CGGBP1: variants seen among roughly 807,000 people sequenced by gnomAD.
CGGBP1 encodes the protein CGG triplet repeat-binding protein 1.
A neutral mutation model predicts 11.4 loss-of-function variants in CGGBP1; 4 were observed. The observed-to-expected ratio is 0.35, with a 90% CI of 0.17 to 0.80. CGGBP1 has a LOEUF of 0.80. Among genes scored for constraint, CGGBP1 ranks in the 30% least tolerant of loss-of-function variants. The pLI is 0.52. For synonymous variants in CGGBP1, 76 were observed against 74.1 expected (o/e 1.03, Z -0.13); for missense variants, 135 against 202.1 (o/e 0.67, Z 2.01).
chr3:88,079,540 G>T (rs1406589804), intron 2 of CGGBP1, among the ~76,000 whole-genome samples: 1 of 151,906 alleles, frequency 6.6e-6, no homozygotes, highest in African/African-American at 2.4e-5. Flanking sequence ...AAAGTTATCT[G>T]TAAAGTTAAG....
intron 2 of CGGBP1, among the ~76,000 whole-genome samples, chr3:88,121,051 T>G (rs557256787): frequency 2.0e-5 from 3 of 152,194 alleles, no homozygotes; most frequent in Non-Finnish European, 4.4e-5. Flanking sequence ...TGTATACCTA[T>G]GTAACAAACC....
intron 2 of CGGBP1, among the ~76,000 whole-genome samples, chr3:88,116,842 C>G (rs773212287): frequency 6.6e-6 from 1 of 152,080 alleles, no homozygotes; most frequent in Non-Finnish European, 1.5e-5. Context: ...TTCTTCTTCT[C>G]TCTTTGTTTG....
At chr3:88,102,774 C>T (rs560190963) in intron 2 of CGGBP1, among the ~76,000 whole-genome samples, 5 of 149,926 alleles carry the variant, frequency 3.3e-5, no homozygotes, top group Non-Finnish European at 5.9e-5. Flanking sequence ...AAAAGACATG[C>T]CTCTTTCTAG....
chr3:88,078,802 G>T (rs1707940946), intron 2 of CGGBP1, among the ~76,000 whole-genome samples: 1 of 152,056 alleles, frequency 6.6e-6, no homozygotes, highest in African/African-American at 2.4e-5. Context: ...ATGGGGGATG[G>T]ATTAGTATTA....
At position 88,126,062 on chromosome 3, in the gene CGGBP1, T is replaced by C. The variant is rs185157588; in HGVS notation, c.-229+14908A>G. The C allele has an allele frequency of 2.4e-5, 32 of 1,339,356 alleles. No individual in the cohort carries two copies. In the African/African-American group the frequency reaches 4.1e-4, roughly 17 times the overall value. The allele number at this position is 1,339,356 out of a possible 1,614,324, so 83.0% of individuals were successfully genotyped here. ...GCCTCACTGGCCATCAGTCATTTTA[T>C]TGACAATGATGATCAAGTTTAGTTT... On this transcript the variant is annotated intron_variant, in intron 2 of 3. Transcript: ENST00000462901.
intron 2 of CGGBP1, among the ~76,000 whole-genome samples, chr3:88,101,817 A>G (rs947128578): frequency 2.6e-5 from 4 of 152,028 alleles, no homozygotes; most frequent in Non-Finnish European, 5.9e-5. Context: ...TTACATCTTC[A>G]CTAATACTTT....
Position 88,109,142 on chromosome 3 carries a change from AGTGTGTGTGTGT to A in CGGBP1, c.-229+31816_-229+31827del, listed in dbSNP as rs35595112. On this transcript the variant is annotated intron_variant, in intron 2 of 3. Coordinates refer to the CGGBP1 transcript ENST00000462901. ...TATCCCCTGTGGATAAGTGGGCACT[AGTGTGTGTGTGT>A]GTGTGTGTGTGTGTGTGTGTGTGTG... Among the ~76,000 whole-genome samples the A allele has an allele frequency of 3.4e-3, 485 of 142,526 alleles. 2 individuals are homozygous for A. The highest frequency in any genetic ancestry group is 7.6e-3 in the Admixed American group (108 of 14,228). 93.5% of individuals were successfully genotyped at this position (142,526 alleles called of 152,430 possible).
Position 88,055,321 on chromosome 3 carries a change from G to T in CGGBP1, c.*152C>A. The T allele has an allele frequency of 1.5e-6, 1 of 647,700 alleles. No homozygotes were observed. The highest frequency in any genetic ancestry group is 2.3e-6 in the Non-Finnish European group (1 of 425,674). The allele number at this position is 647,700 out of a possible 1,614,324, so 40.1% of individuals were successfully genotyped here. A position where few individuals can be genotyped will look rare whatever the true frequency, so the allele number is the denominator to read the frequency against. ...TTAACAATAAGTTTTGCAGTGAGGTGGTTTTTTTTTTGCCTGCAACTATAT... is the reference window on the plus strand; with the variant it reads ...TTAACAATAAGTTTTGCAGTGAGGTTGTTTTTTTTTTGCCTGCAACTATAT... On this transcript the variant is annotated 3_prime_UTR_variant, in exon 4 of 4. Coordinates refer to ENST00000482016, the MANE Select transcript of CGGBP1 (RefSeq NM_001008390.2). The surrounding 1 kb of genome is among the most constrained non-coding windows in gnomAD (Gnocchi z 4.2).
At chr3:88,066,023 C>T (rs1246867098) in intron 2 of CGGBP1, among the ~76,000 whole-genome samples, 1 of 152,146 alleles carries the variant, frequency 6.6e-6, no homozygotes, top group African/African-American at 2.4e-5. Flanking sequence ...CATGAGCTAC[C>T]GCGCCTAGCC....
intron 2 of CGGBP1, among the ~76,000 whole-genome samples, chr3:88,108,302 G>C (rs1430408311): frequency 6.6e-6 from 1 of 151,512 alleles, no homozygotes; most frequent in Non-Finnish European, 1.5e-5. Context: ...GTAGCTATTT[G>C]AATTTTTAGT....
At chr3:88,064,330 T>G (rs1406226279) in intron 2 of CGGBP1, among the ~76,000 whole-genome samples, 1 of 151,520 alleles carries the variant, frequency 6.6e-6, no homozygotes, top group Non-Finnish European at 1.5e-5. Context: ...TCACTATTGA[T>G]CTCACTATTG....
At position 88,055,739 on chromosome 3, in the gene CGGBP1, T is replaced by C; in HGVS notation, c.238A>G (p.Arg80Gly). 1 of 1,614,244 alleles carries C rather than the reference T, an allele frequency of 6.2e-7. No individual in the cohort carries two copies. Residue 80 changes from arginine (R) to glycine (G), a missense_variant, in exon 4 of 4, where the codon AGA becomes GGA. Coordinates refer to ENST00000482016, the MANE Select transcript of CGGBP1 (RefSeq NM_001008390.2). The surrounding 1 kb of genome is among the most constrained non-coding windows in gnomAD (Gnocchi z 4.2). ...RKAEFEEQNV[R>G]KKQRPLTASL... ...GCAGTTAGGGGCCTCTGCTTCTTTCTCACATTCTGCTCTTCAAATTCTGCC... is the reference window on the plus strand; with the variant it reads ...GCAGTTAGGGGCCTCTGCTTCTTTCCCACATTCTGCTCTTCAAATTCTGCC...
chr3:88,080,544 C>G (rs773697633), intron 2 of CGGBP1, among the ~76,000 whole-genome samples: 6 of 152,006 alleles, frequency 3.9e-5, no homozygotes, highest in Non-Finnish European at 8.8e-5. Context: ...AATGATTTTG[C>G]TAAGGTTACC....
At chr3:88,109,774 A>G (rs896071593) in intron 2 of CGGBP1, among the ~76,000 whole-genome samples, 1 of 152,178 alleles carries the variant, frequency 6.6e-6, no homozygotes, top group Non-Finnish European at 1.5e-5. Context: ...AAATTTTTTT[A>G]TAAATGTATA....
chr3:88,061,326 A>G (rs1285155298), upstream of CGGBP1, among the ~76,000 whole-genome samples: 1 of 152,144 alleles, frequency 6.6e-6, no homozygotes, highest in Non-Finnish European at 1.5e-5. Context: ...TAATAGTGAC[A>G]GTACAATATT....
At chr3:88,139,689 G>A in intron 2 of CGGBP1, 1 of 1,594,434 alleles carries the variant, frequency 6.3e-7, no homozygotes, top group Non-Finnish European at 8.6e-7. Flanking sequence ...AGATGTTATT[G>A]AAAATGTTAT....
chr3:88,096,504 C>A (rs1472731636), intron 2 of CGGBP1, among the ~76,000 whole-genome samples: 1 of 152,102 alleles, frequency 6.6e-6, no homozygotes. Flanking sequence ...CCAAAACTAA[C>A]CAGAACCCAA....
chr3:88,062,182 G>C (rs1706923552), upstream of CGGBP1, among the ~76,000 whole-genome samples: 1 of 152,154 alleles, frequency 6.6e-6, no homozygotes, highest in Non-Finnish European at 1.5e-5. Context: ...AATTTGCTTT[G>C]AGGATGAAAG....
intron 2 of CGGBP1, among the ~76,000 whole-genome samples, chr3:88,097,923 C>A (rs925953355): frequency 2.0e-5 from 3 of 152,092 alleles, no homozygotes; most frequent in Non-Finnish European, 4.4e-5. Context: ...ATTAAAAGTA[C>A]TAGAGAAGCA....
Sources: gnomAD v4.1 joint callset for allele counts (sites outside exome capture counted in the v4.1 genomes callset) on GRCh38, gnomAD v4.1.1 for gene constraint, Gnocchi (gnomAD v3.1) non-coding constraint, MANE v1.5 for transcripts, NCBI Gene and HGNC (gene_info 2026-07-23, HGNC 2026-07-21) for gene names.